The following RPRD1A variants were observed in gnomAD, a reference collection of about 807,000 sequenced individuals.
RPRD1A encodes regulation of nuclear pre-mRNA domain-containing protein 1A.
RPRD1A carries 9 observed loss-of-function variants against 37.8 expected under a neutral mutation model. The observed-to-expected ratio is 0.24, with a 90% CI of 0.14 to 0.42. RPRD1A has a LOEUF of 0.42. Ranked by LOEUF, RPRD1A falls within the 10% of genes least tolerant of loss-of-function variation. The pLI is 1.00. For synonymous variants in RPRD1A, 138 were observed against 139.7 expected, an observed-to-expected ratio of 0.99 and a Z score of 0.08; for missense variants, 255 against 371.0, an observed-to-expected ratio of 0.69 and a Z score of 2.57.
chr18:36,046,798 G>A (rs1173602165), intron 1 of RPRD1A, among the ~76,000 whole-genome samples: 8 of 149,786 alleles, frequency 5.3e-5, no homozygotes, highest in African/African-American at 2.0e-4. Flanking sequence ...TGGTGCCACC[G>A]CACTTCAGCC....
chr18:36,047,909 T>C (rs1323545093), intron 1 of RPRD1A, among the ~76,000 whole-genome samples: 1 of 152,104 alleles, frequency 6.6e-6, no homozygotes, highest in Non-Finnish European at 1.5e-5. Flanking sequence ...AAAGAATCTT[T>C]AAAATTCTAC....
chr18:36,061,727 A>G (rs969984942), intron 1 of RPRD1A, among the ~76,000 whole-genome samples: 14 of 152,244 alleles, frequency 9.2e-5, no homozygotes, highest in Non-Finnish European at 1.9e-4. Flanking sequence ...ATGGAAGAAA[A>G]TATTTGTGGT....
At chr18:36,065,316 C>G (rs1449306321) in intron 1 of RPRD1A, among the ~76,000 whole-genome samples, 1 of 152,038 alleles carries the variant, frequency 6.6e-6, no homozygotes, top group Non-Finnish European at 1.5e-5. Flanking sequence ...ACCTTGTTTT[C>G]TTAGCTCAAG....
chr18:36,017,018 A>G (rs1227642670), intron 6 of RPRD1A, among the ~76,000 whole-genome samples: 1 of 152,062 alleles, frequency 6.6e-6, no homozygotes, highest in Non-Finnish European at 1.5e-5. Context: ...CAATAAAAAA[A>G]AAAACTGCCA....
chr18:36,054,049 A>G (rs1913589139), intron 1 of RPRD1A, among the ~76,000 whole-genome samples: 1 of 152,192 alleles, frequency 6.6e-6, no homozygotes, highest in Admixed American at 6.5e-5. Flanking sequence ...TGAGTTTGGG[A>G]TGTTTAGGAA....
At position 35,991,196 on chromosome 18, in the gene RPRD1A, C is replaced by G. The variant is rs1427488407; in HGVS notation, c.*1955G>C. Reference sequence around the variant, plus strand: ...TATATTTTGAATGGATAAATCACCACTTTAGCAGATCATAAATAAGGTCAA... The same window carrying G: ...TATATTTTGAATGGATAAATCACCAGTTTAGCAGATCATAAATAAGGTCAA... On this transcript the variant is annotated 3_prime_UTR_variant, in exon 7 of 7. Coordinates refer to ENST00000399022, the MANE Select transcript of RPRD1A (RefSeq NM_018170.5). 6.6e-6 allele frequency: 1 copy of G among 152,158 alleles called. No homozygotes were observed. The highest frequency in any genetic ancestry group is 1.5e-5 in the Non-Finnish European group (1 of 68,030). The allele number at this position is 152,158 out of a possible 1,614,324, so 9.4% of individuals were successfully genotyped here. A position where few individuals can be genotyped will look rare whatever the true frequency, so the allele number is the denominator to read the frequency against.
At chr18:36,024,522 A>C (rs1911228929) in intron 6 of RPRD1A, among the ~76,000 whole-genome samples, 1 of 152,144 alleles carries the variant, frequency 6.6e-6, no homozygotes, top group Non-Finnish European at 1.5e-5. Context: ...TGATTGTCTT[A>C]AAACACAAAT....
At chr18:36,008,708 A>G (rs1416458306) in intron 6 of RPRD1A, among the ~76,000 whole-genome samples, 1 of 151,114 alleles carries the variant, frequency 6.6e-6, no homozygotes, top group Non-Finnish European at 1.5e-5. Flanking sequence ...TGACATTTTC[A>G]TATATATTTA....
intron 1 of RPRD1A, among the ~76,000 whole-genome samples, chr18:36,052,312 G>A (rs1440801446): frequency 1.3e-5 from 2 of 151,610 alleles, no homozygotes; most frequent in Non-Finnish European, 2.9e-5. Context: ...CAGTCCTTCA[G>A]GATGAAATTA....
At position 36,008,577 on chromosome 18, in the gene RPRD1A, G is replaced by GTGTGTATATGTATATATATA; in HGVS notation, c.790-15278_790-15277insTATATATATACATATACACA. ...GGCGACACAGCAAGACCTTGTGTGT[G>GTGTGTATATGTATATATATA]TATATATATATATCTTTAAAAATCT... On this transcript the variant is annotated intron_variant, in intron 6 of 6. Coordinates refer to ENST00000399022, the MANE Select transcript of RPRD1A (RefSeq NM_018170.5). Among the ~76,000 whole-genome samples the GTGTGTATATGTATATATATA allele has an allele frequency of 2.1e-4, 10 of 47,802 alleles. 3 individuals are homozygous for GTGTGTATATGTATATATATA. Among genetic ancestry groups the GTGTGTATATGTATATATATA allele is most frequent in the Admixed American group, 1.7e-3 (6 of 3,560 alleles). 31.4% of individuals were successfully genotyped at this position (47,802 alleles called of 152,430 possible). A position where few individuals can be genotyped will look rare whatever the true frequency, so the allele number is the denominator to read the frequency against.
At chr18:35,998,515 C>T (rs1909229645) in intron 6 of RPRD1A, among the ~76,000 whole-genome samples, 1 of 152,172 alleles carries the variant, frequency 6.6e-6, no homozygotes, top group Non-Finnish European at 1.5e-5. Context: ...ACAAGGCCCA[C>T]CTTTCTGTCC....
At chr18:36,019,862 A>G (rs1201801656) in intron 6 of RPRD1A, among the ~76,000 whole-genome samples, 2 of 152,162 alleles carry the variant, frequency 1.3e-5, no homozygotes, top group East Asian at 3.9e-4. Flanking sequence ...CAACATGGCA[A>G]AACCCTGTCT....
intron 6 of RPRD1A, among the ~76,000 whole-genome samples, chr18:36,016,636 C>G (rs979163529): frequency 6.6e-6 from 1 of 151,944 alleles, no homozygotes; most frequent in African/African-American, 2.4e-5. Flanking sequence ...TAAGCCAAAA[C>G]TTAGTTGAAG....
chr18:36,010,422 G>C (rs899461938), intron 6 of RPRD1A, among the ~76,000 whole-genome samples: 1 of 152,178 alleles, frequency 6.6e-6, no homozygotes, highest in African/African-American at 2.4e-5. Flanking sequence ...GAGCCCAGGA[G>C]CTCAAAATTT....
chr18:36,033,987 A>C, intron 1 of RPRD1A, 150 bp from the exon 2 acceptor site: 1 of 576,310 alleles, frequency 1.7e-6, no homozygotes, highest in Non-Finnish European at 2.8e-6. Context: ...TTACTACCAA[A>C]CTAACCAGTC....
At chr18:36,046,767 C>A (rs1170306254) in intron 1 of RPRD1A, among the ~76,000 whole-genome samples, 1 of 150,984 alleles carries the variant, frequency 6.6e-6, no homozygotes, top group African/African-American at 2.4e-5. Flanking sequence ...CCTAAGAGAT[C>A]AAGGCTGCAG....
chr18:35,998,069 G>GT (rs1254066571), intron 6 of RPRD1A, among the ~76,000 whole-genome samples: 16 of 152,286 alleles, frequency 1.1e-4, no homozygotes, highest in African/African-American at 3.8e-4. Flanking sequence ...CAAAATAAAC[G>GT]TAACTAGGGC....
At chr18:36,042,929 T>G (rs908101772) in intron 1 of RPRD1A, among the ~76,000 whole-genome samples, 1 of 152,082 alleles carries the variant, frequency 6.6e-6, no homozygotes, top group Non-Finnish European at 1.5e-5. Context: ...ACCTTGCAAA[T>G]TTTACTTCTA....
chr18:36,034,197 C>A (rs1056610958), intron 1 of RPRD1A, among the ~76,000 whole-genome samples: 2 of 151,962 alleles, frequency 1.3e-5, no homozygotes, highest in African/African-American at 4.8e-5. Flanking sequence ...CATGTTAATT[C>A]GAAATCATTA....
Sources: allele counts gnomAD v4.1 joint callset (sites outside exome capture counted in the v4.1 genomes callset), GRCh38; gene constraint gnomAD v4.1.1; transcripts MANE v1.5; gene names NCBI Gene and HGNC (gene_info 2026-07-23, HGNC 2026-07-21).